The following SPOCK1 variants were observed in gnomAD, a reference collection of about 807,000 sequenced individuals.
SPOCK1 encodes the protein SPARC (osteonectin), cwcv and kazal like domains proteoglycan 1.
A neutral mutation model predicts 55.3 loss-of-function variants in SPOCK1; 23 were observed. The ratio of observed to expected loss-of-function variants is 0.42; its 90% CI spans 0.30 to 0.59. The LOEUF (loss-of-function observed/expected upper bound fraction) is 0.59. SPOCK1 is among the 20% of genes least tolerant of loss of function. The probability of loss-of-function intolerance (pLI) is 0.22; values close to 1 mark genes in which losing one functional copy is unlikely to be tolerated. For synonymous variants in SPOCK1, 226 were observed against 221.0 expected (o/e 1.02, Z -0.20); for missense variants, 499 against 552.5 (o/e 0.90, Z 0.97).
chr5:137,377,580 A>C (rs922794903), intron 2 of SPOCK1, among the ~76,000 whole-genome samples: 12 of 152,074 alleles, frequency 7.9e-5, no homozygotes, highest in African/African-American at 2.9e-4. Context: ...TGTTCCTGTT[A>C]TTTTTTTTAA....
chr5:136,979,487 G>A lies in SPOCK1; in HGVS notation c.992-18C>T, dbSNP rs1274717191. The A allele has an allele frequency of 1.3e-6, 2 of 1,598,892 alleles. No homozygotes were observed. On this transcript the variant is annotated intron_variant, in intron 9 of 10. Coordinates refer to ENST00000394945, the MANE Select transcript of SPOCK1 (RefSeq NM_004598.4). ...GAAGGCCCCTGGGGGAACAAAAGGT[G>A]CAACTTTAATCAGAGACATGCAGAT...
In SPOCK1 at chr5:137,119,511, G is replaced by C. The variant is rs1470599008; in HGVS notation, c.348-6950C>G. Among the ~76,000 whole-genome samples the C allele has an allele frequency of 3.3e-5, 5 of 152,210 alleles. No homozygotes were observed. In the East Asian group the frequency reaches 9.6e-4, roughly 29 times the overall value. On this transcript the variant is annotated intron_variant, in intron 4 of 10. Transcript: ENST00000394945. ...TTACAAAAGCAGCTCTGATGAAAGAGACTCCCACGAGAGAGATTTTCCATC... is the reference window on the plus strand; with the variant it reads ...TTACAAAAGCAGCTCTGATGAAAGACACTCCCACGAGAGAGATTTTCCATC...
intron 3 of SPOCK1, among the ~76,000 whole-genome samples, chr5:137,165,188 A>T (rs934457632): frequency 5.3e-5 from 8 of 152,016 alleles, no homozygotes; most frequent in Non-Finnish European, 1.2e-4. Context: ...TGTTTGTGTC[A>T]CTCCACCCCC....
chr5:137,461,306 C>T (rs1753484395), intron 2 of SPOCK1, among the ~76,000 whole-genome samples: 1 of 152,184 alleles, frequency 6.6e-6, no homozygotes, highest in African/African-American at 2.4e-5. Context: ...AAAGAGACTG[C>T]AGCTACAGAG....
intron 4 of SPOCK1, among the ~76,000 whole-genome samples, chr5:137,138,321 G>A (rs1019154613): frequency 1.3e-5 from 2 of 152,076 alleles, no homozygotes; most frequent in Non-Finnish European, 2.9e-5. Context: ...CAGAAACACG[G>A]CATGCCCAGA....
chr5:137,087,931 C>G (rs1470742743), intron 5 of SPOCK1, among the ~76,000 whole-genome samples: 1 of 152,214 alleles, frequency 6.6e-6, no homozygotes, highest in African/African-American at 2.4e-5. Flanking sequence ...GCTGACGACA[C>G]TACATGCTTT....
intron 4 of SPOCK1, among the ~76,000 whole-genome samples, chr5:137,118,939 C>T (rs985501454): frequency 2.0e-5 from 3 of 152,200 alleles, no homozygotes; most frequent in Non-Finnish European, 4.4e-5. Flanking sequence ...TACTACATGC[C>T]GGTCTAATTG....
chr5:137,277,200 A>G (rs534906254), intron 2 of SPOCK1, among the ~76,000 whole-genome samples: 18 of 152,210 alleles, frequency 1.2e-4, no homozygotes, highest in African/African-American at 3.9e-4. Context: ...TTTTTTGTAG[A>G]GATGGGGTCT....
At chr5:137,413,846 T>G (rs982219435) in intron 2 of SPOCK1, among the ~76,000 whole-genome samples, 1 of 152,154 alleles carries the variant, frequency 6.6e-6, no homozygotes. Flanking sequence ...CATCAACAAC[T>G]AGTTTGTCTA....
intron 2 of SPOCK1, among the ~76,000 whole-genome samples, chr5:137,363,577 C>A (rs1750994444): frequency 6.6e-6 from 1 of 152,160 alleles, no homozygotes; most frequent in Non-Finnish European, 1.5e-5. Flanking sequence ...AGCTACCTCA[C>A]CTGTATACAA....
At chr5:137,428,658 C>A (rs1264288211) in intron 2 of SPOCK1, among the ~76,000 whole-genome samples, 2 of 152,188 alleles carry the variant, frequency 1.3e-5, no homozygotes, top group East Asian at 3.9e-4. Context: ...ATTAAGTTCT[C>A]CCTCAATGTC....
chr5:137,171,340 C>G (rs906164901), intron 3 of SPOCK1, among the ~76,000 whole-genome samples: 2 of 152,090 alleles, frequency 1.3e-5, no homozygotes, highest in African/African-American at 4.8e-5. Context: ...CCTTGGGGAC[C>G]GAAAGGGGAT....
intron 6 of SPOCK1, among the ~76,000 whole-genome samples, chr5:137,063,799 C>G (rs1752442283): frequency 6.6e-6 from 1 of 152,202 alleles, no homozygotes; most frequent in Non-Finnish European, 1.5e-5. Context: ...CAATTTGAGG[C>G]AAGCCTCATA....
chr5:137,032,313 G>C (rs564129397), intron 6 of SPOCK1, among the ~76,000 whole-genome samples: 3 of 152,298 alleles, frequency 2.0e-5, no homozygotes, highest in Admixed American at 1.3e-4. Context: ...ACAAAGAAAA[G>C]AGGATTCTCA....
At chr5:137,262,734 G>A (rs913018018) in intron 3 of SPOCK1, among the ~76,000 whole-genome samples, 2 of 152,204 alleles carry the variant, frequency 1.3e-5, no homozygotes, top group African/African-American at 4.8e-5. Context: ...AGACAAGCCC[G>A]TGTCAGTGTA....
At chr5:137,017,290 G>A (rs1402300388) in intron 6 of SPOCK1, among the ~76,000 whole-genome samples, 1 of 152,210 alleles carries the variant, frequency 6.6e-6, no homozygotes. Flanking sequence ...TGATGTGGTA[G>A]GAGCTTCATA....
chr5:137,490,078 C>T (rs970548805), intron 2 of SPOCK1, among the ~76,000 whole-genome samples: 1 of 152,204 alleles, frequency 6.6e-6, no homozygotes, highest in Admixed American at 6.5e-5. Context: ...ATCTTCTTCA[C>T]CCGACACCTA....
intron 6 of SPOCK1, among the ~76,000 whole-genome samples, chr5:137,056,714 C>G (rs745849284): frequency 2.4e-4 from 37 of 152,056 alleles, no homozygotes; most frequent in Non-Finnish European, 4.7e-4. Flanking sequence ...GACAGCCTCA[C>G]TCCACTTCCA....
At chr5:137,464,153 T>A (rs1479289811) in intron 2 of SPOCK1, among the ~76,000 whole-genome samples, 3 of 151,854 alleles carry the variant, frequency 2.0e-5, no homozygotes, top group African/African-American at 7.3e-5. Flanking sequence ...ATACAAAAAT[T>A]ACCCAAGTAT....
Sources: gnomAD v4.1 joint callset for allele counts (sites outside exome capture counted in the v4.1 genomes callset) on GRCh38, gnomAD v4.1.1 for gene constraint, MANE v1.5 for transcripts, NCBI Gene and HGNC (gene_info 2026-07-23, HGNC 2026-07-21) for gene names.